The following LMBRD1 variants were observed in gnomAD, a reference collection of about 807,000 sequenced individuals.
LMBRD1 encodes the protein LMBR1 domain containing 1.
A neutral mutation model predicts 74.8 loss-of-function variants in LMBRD1; 64 were observed. The observed-to-expected ratio is 0.86, with a 90% CI of 0.70 to 1.05. LMBRD1 has a LOEUF of 1.05. Among genes scored for constraint, LMBRD1 ranks in the 50% least tolerant of loss-of-function variants. The pLI is 0.00. For missense variants in LMBRD1, 652 were observed against 645.9 expected (o/e 1.01, Z -0.10); for synonymous variants, 204 against 216.3 (o/e 0.94, Z 0.50).
intron 2 of LMBRD1, among the ~76,000 whole-genome samples, chr6:69,788,862 C>T (rs1486116575): frequency 6.6e-6 from 1 of 152,198 alleles, no homozygotes; most frequent in African/African-American, 2.4e-5. Flanking sequence ...TCTCTGGAAC[C>T]AAACTGCAGA....
chr6:69,768,182 T>C lies in LMBRD1; in HGVS notation c.307+12312A>G, dbSNP rs373795468. On this transcript the variant is annotated intron_variant, in intron 3 of 15. Coordinates refer to ENST00000649934, the MANE Select transcript of LMBRD1 (RefSeq NM_018368.4). Reference sequence around the variant, plus strand: ...GTATTTAGACTACTTACACATAATATAACAATTATTGATATGGCTGTAATT... The same window carrying C: ...GTATTTAGACTACTTACACATAATACAACAATTATTGATATGGCTGTAATT... Among the ~76,000 whole-genome samples the C allele has an allele frequency of 1.6e-4, 24 of 152,086 alleles. No individual in the cohort carries two copies. The East Asian group carries it at 4.1e-3, about 26-fold the overall frequency.
At chr6:69,795,949 C>G (rs1216812991) in intron 1 of LMBRD1, among the ~76,000 whole-genome samples, 2 of 152,040 alleles carry the variant, frequency 1.3e-5, no homozygotes, top group East Asian at 1.9e-4. Context: ...TACGTGAGAA[C>G]AGAAAGTAAC....
intron 14 of LMBRD1, among the ~76,000 whole-genome samples, chr6:69,685,447 G>A (rs1286816159): frequency 6.6e-6 from 1 of 152,100 alleles, no homozygotes; most frequent in Non-Finnish European, 1.5e-5. Flanking sequence ...TGGAAGAGTG[G>A]TTTCCACAGT....
At chr6:69,747,888 T>C (rs1455620990) in intron 5 of LMBRD1, among the ~76,000 whole-genome samples, 1 of 152,214 alleles carries the variant, frequency 6.6e-6, no homozygotes. Context: ...CCTTCAAAAA[T>C]ATTTCAAGAC....
chr6:69,742,898 A>G (rs1005474510), intron 5 of LMBRD1, among the ~76,000 whole-genome samples: 1 of 152,054 alleles, frequency 6.6e-6, no homozygotes, highest in Admixed American at 6.5e-5. Flanking sequence ...TAAATTTCTA[A>G]CTATCTGCAT....
intron 7 of LMBRD1, among the ~76,000 whole-genome samples, chr6:69,722,635 T>G (rs1025676475): frequency 6.6e-6 from 1 of 152,080 alleles, no homozygotes; most frequent in Non-Finnish European, 1.5e-5. Context: ...AAATAATGGG[T>G]TATAAAATAG....
chr6:69,774,926 T>G (rs373277933), intron 3 of LMBRD1, among the ~76,000 whole-genome samples: 39 of 133,638 alleles, frequency 2.9e-4, no homozygotes, highest in African/African-American at 1.1e-3. Flanking sequence ...GCCACCGCAC[T>G]CCTGCCCAAA....
chr6:69,679,913 G>C (rs994293436), intron 14 of LMBRD1, among the ~76,000 whole-genome samples: 2 of 152,110 alleles, frequency 1.3e-5, no homozygotes, highest in African/African-American at 2.4e-5. Flanking sequence ...GCAAGGTATA[G>C]AGAACAATTG....
At chr6:69,680,571 A>G (rs1451253922) in intron 14 of LMBRD1, among the ~76,000 whole-genome samples, 1 of 152,030 alleles carries the variant, frequency 6.6e-6, no homozygotes, top group African/African-American at 2.4e-5. Flanking sequence ...TGATCACATT[A>G]TTTTACATGT....
At chr6:69,727,220 A>C (rs1242807081) in intron 7 of LMBRD1, among the ~76,000 whole-genome samples, 2 of 152,252 alleles carry the variant, frequency 1.3e-5, no homozygotes, top group Non-Finnish European at 2.9e-5. Context: ...TTTGTAACAC[A>C]AAGTATATAA....
At chr6:69,704,696 G>A (rs1301541809) in intron 9 of LMBRD1, among the ~76,000 whole-genome samples, 1 of 152,084 alleles carries the variant, frequency 6.6e-6, no homozygotes, top group Non-Finnish European at 1.5e-5. Flanking sequence ...ATATGCATAT[G>A]CAGAAATCAT....
chr6:69,747,758 A>C (rs11968161), intron 5 of LMBRD1, among the ~76,000 whole-genome samples: 17,663 of 152,210 alleles, frequency 0.12, 2,844 homozygotes, highest in African/African-American at 0.36. Context: ...TCCAACACAT[A>C]AGTGTTTCAA....
intron 14 of LMBRD1, among the ~76,000 whole-genome samples, chr6:69,677,605 A>G (rs1398372918): frequency 2.0e-5 from 3 of 152,142 alleles, no homozygotes; most frequent in Non-Finnish European, 4.4e-5. Flanking sequence ...TTAGCATGTT[A>G]CAGTGTGTGC....
At position 69,796,917 on chromosome 6, in the gene LMBRD1, G is replaced by T. The variant is rs749517935; in HGVS notation, c.-36C>A. ...GGTCCAGACCAACCTGAGCGCCCGG[G>T]GTGGGGAAAGGGGAGGGGGAAAGGG... On this transcript the variant is annotated 5_prime_UTR_variant, in exon 1 of 16. Coordinates refer to ENST00000649934, the MANE Select transcript of LMBRD1 (RefSeq NM_018368.4). 1 of 1,596,858 alleles carries T rather than the reference G, an allele frequency of 6.3e-7. No homozygotes were observed. The highest frequency in any genetic ancestry group is 2.2e-5 in the East Asian group (1 of 44,696).
At chr6:69,706,552 G>A (rs906562058) in intron 9 of LMBRD1, among the ~76,000 whole-genome samples, 1 of 152,072 alleles carries the variant, frequency 6.6e-6, no homozygotes, top group African/African-American at 2.4e-5. Flanking sequence ...TACATTTGGA[G>A]AAAAGGTTAT....
At chr6:69,776,211 C>G (rs1483780688) in intron 3 of LMBRD1, among the ~76,000 whole-genome samples, 1 of 152,088 alleles carries the variant, frequency 6.6e-6, no homozygotes, top group Non-Finnish European at 1.5e-5. Context: ...TGCAAATGGG[C>G]CAATAGATTT....
At position 69,710,569 on chromosome 6, in the gene LMBRD1, C is replaced by T. The variant is rs188750703; in HGVS notation, c.915+3076G>A. Among the ~76,000 whole-genome samples the T allele has an allele frequency of 3.0e-4, 45 of 152,060 alleles. 1 individual carries two copies. In the South Asian group the frequency reaches 3.3e-3, roughly 11 times the overall value. On this transcript the variant is annotated intron_variant, in intron 9 of 15. Coordinates refer to ENST00000649934, the MANE Select transcript of LMBRD1 (RefSeq NM_018368.4). Reference sequence around the variant, plus strand: ...AGAAAACTTGCCACGAACTAGGAGACGATACAATACATATATGTGACAAAG... The same window carrying T: ...AGAAAACTTGCCACGAACTAGGAGATGATACAATACATATATGTGACAAAG...
chr6:69,773,436 A>G (rs754654575), intron 3 of LMBRD1, among the ~76,000 whole-genome samples: 2 of 152,310 alleles, frequency 1.3e-5, no homozygotes, highest in African/African-American at 2.4e-5. Context: ...TAAGTTCAAA[A>G]TACATAAAAA....
Position 69,718,955 on chromosome 6 carries a change from C to T in LMBRD1, c.762+1G>A, listed in dbSNP as rs374040562. 3.1e-6 allele frequency: 5 copies of T among 1,613,174 alleles called. No individual in the cohort carries two copies. The highest frequency in any genetic ancestry group is 3.3e-5 in the Admixed American group (2 of 59,920). ...CCAATTACACCAAAACATCAACTCA[C>T]TTTTGATTTAATCGTTTGAATGTGT... is the stretch of plus-strand genomic sequence containing the variant. On this transcript the variant is annotated splice_donor_variant, in intron 8 of 15. Transcript: ENST00000649934. LOFTEE classifies it high-confidence loss of function.
Sources: gnomAD v4.1 joint callset for allele counts (sites outside exome capture counted in the v4.1 genomes callset) on GRCh38, gnomAD v4.1.1 for gene constraint, MANE v1.5 for transcripts, NCBI Gene and HGNC (gene_info 2026-07-23, HGNC 2026-07-21) for gene names.